The following ADAMTS9 variants were observed in gnomAD, a reference collection of about 807,000 sequenced individuals.
ADAMTS9 encodes the protein ADAM metallopeptidase with thrombospondin type 1 motif 9.
In ADAMTS9, 107 loss-of-function variants were observed where a neutral mutation model predicts 257.1. That is an observed-to-expected ratio of 0.42 (90% CI 0.36 to 0.49). The LOEUF (loss-of-function observed/expected upper bound fraction) is 0.49, where lower values mean the gene tolerates loss of function less well. ADAMTS9 is among the 20% of genes least tolerant of loss of function. ADAMTS9 has a pLI of 0.03. For synonymous variants in ADAMTS9, 982 were observed against 880.9 expected, an observed-to-expected ratio of 1.11 and a Z score of -2.03; for missense variants, 2,353 against 2,469.1, an observed-to-expected ratio of 0.95 and a Z score of 1.00.
At position 64,627,725 on chromosome 3, in the gene ADAMTS9, A is replaced by T. The variant is rs189650294; in HGVS notation, c.2389+3730T>A. Among the ~76,000 whole-genome samples the T allele has an allele frequency of 2.0e-5, 3 of 152,304 alleles. No homozygotes were observed. In the East Asian group the frequency reaches 5.8e-4, roughly 29 times the overall value. On this transcript the variant is annotated intron_variant, in intron 16 of 39. Coordinates refer to ENST00000498707, the MANE Select transcript of ADAMTS9 (RefSeq NM_182920.2). ...GGTTGGTTTCCCTCCCATTGCACCC[A>T]TCAGAGCTGGGTTGCTACAAAAGGC...
chr3:64,533,107 A>C, intron 38 of ADAMTS9, 59 bp downstream of exon 38: 30 of 1,484,498 alleles, frequency 2.0e-5, no homozygotes, highest in Non-Finnish European at 2.7e-5. Flanking sequence ...ACAGTAATAA[A>C]GACAAGAACG....
chr3:64,687,057 T>C lies in ADAMTS9; in HGVS notation c.116-89A>G. The stretch of plus-strand genomic sequence containing the variant: ...CGAAGGTGGGGACTTTGTTCTGACC[T>C]TATTTTCCAGCCCATTCGAGTCAAT... On this transcript the variant is annotated intron_variant, in intron 1 of 39. Coordinates refer to ENST00000498707, the MANE Select transcript of ADAMTS9 (RefSeq NM_182920.2). This position sits in a 1 kb window ranked among gnomAD's most constrained non-coding sequence, Gnocchi z 4.4. The C allele has an allele frequency of 6.8e-7, 1 of 1,466,926 alleles. No homozygotes were observed. The highest frequency in any genetic ancestry group is 9.2e-7 in the Non-Finnish European group (1 of 1,087,146). The allele number at this position is 1,466,926 out of a possible 1,614,324, so 90.9% of individuals were successfully genotyped here. A position where few individuals can be genotyped will look rare whatever the true frequency, so the allele number is the denominator to read the frequency against.
At chr3:64,618,372 G>A (rs1700018555) in intron 19 of ADAMTS9, among the ~76,000 whole-genome samples, 1 of 152,152 alleles carries the variant, frequency 6.6e-6, no homozygotes. Context: ...AAAAAATAGT[G>A]ACTTTCTCCA....
At chr3:64,547,985 G>A (rs2083224633) in intron 31 of ADAMTS9, among the ~76,000 whole-genome samples, 1 of 152,052 alleles carries the variant, frequency 6.6e-6, no homozygotes, top group Non-Finnish European at 1.5e-5. Context: ...ATAAACTTGG[G>A]GTAGAGTGCC....
chr3:64,615,883 C>T, intron 20 of ADAMTS9, 77 bp downstream of exon 20: 3 of 1,551,120 alleles, frequency 1.9e-6, no homozygotes, highest in Admixed American at 1.7e-5. Flanking sequence ...CTAAATGGGG[C>T]TTACACACCT....
At chr3:64,676,654 C>A (rs1472353662) in intron 3 of ADAMTS9, among the ~76,000 whole-genome samples, 2 of 146,254 alleles carry the variant, frequency 1.4e-5, no homozygotes, top group East Asian at 3.9e-4. Flanking sequence ...ATATGCCTGC[C>A]CCATAATGTA....
At chr3:64,659,011 C>A (rs371558355) in intron 3 of ADAMTS9, among the ~76,000 whole-genome samples, 1 of 152,140 alleles carries the variant, frequency 6.6e-6, no homozygotes, top group Non-Finnish European at 1.5e-5. Context: ...TGCTCGCTTA[C>A]GGTATTAGAA....
intron 3 of ADAMTS9, among the ~76,000 whole-genome samples, chr3:64,670,065 C>A (rs887149606): frequency 6.6e-6 from 1 of 152,196 alleles, no homozygotes; most frequent in African/African-American, 2.4e-5. Flanking sequence ...CCCTCTTCAG[C>A]AGCAGGGCAT....
intron 2 of ADAMTS9, among the ~76,000 whole-genome samples, chr3:64,683,408 GTCT>G (rs1701807888): frequency 6.6e-6 from 1 of 152,216 alleles, no homozygotes; most frequent in Admixed American, 6.5e-5. Context: ...AACAGGATCA[GTCT>G]CTGGTCTATG....
At position 64,687,841 on chromosome 3, in the gene ADAMTS9, G is replaced by A; in HGVS notation, c.-184C>T. The A allele has an allele frequency of 8.7e-6, 4 of 458,878 alleles. No individual in the cohort carries two copies. Among genetic ancestry groups the A allele is most frequent in the Non-Finnish European group, 1.6e-5 (4 of 256,956 alleles). 28.4% of individuals were successfully genotyped at this position (458,878 alleles called of 1,614,324 possible). A position where few individuals can be genotyped will look rare whatever the true frequency, so the allele number is the denominator to read the frequency against. On this transcript the variant is annotated 5_prime_UTR_variant, in exon 1 of 40. Coordinates refer to ENST00000498707, the MANE Select transcript of ADAMTS9 (RefSeq NM_182920.2). The surrounding 1 kb of genome is among the most constrained non-coding windows in gnomAD (Gnocchi z 4.4). Reference sequence around the variant, plus strand: ...TCCCGTCTGCGCTCGGCTGAGCAACGCCGCCGCCTGCCGAGAGCTGAGCCG... The same window carrying A: ...TCCCGTCTGCGCTCGGCTGAGCAACACCGCCGCCTGCCGAGAGCTGAGCCG...
At chr3:64,660,818 A>C (rs972982958) in intron 3 of ADAMTS9, among the ~76,000 whole-genome samples, 2 of 152,176 alleles carry the variant, frequency 1.3e-5, no homozygotes, top group African/African-American at 4.8e-5. Context: ...TAATAAGCAA[A>C]GAAAAAAAAA....
chr3:64,561,122 G>A (rs1306000541), intron 30 of ADAMTS9, among the ~76,000 whole-genome samples: 2 of 148,136 alleles, frequency 1.4e-5, no homozygotes, highest in Non-Finnish European at 3.0e-5. Context: ...GGTTTCACAT[G>A]AATGCCTATC....
intron 18 of ADAMTS9, among the ~76,000 whole-genome samples, chr3:64,621,781 A>T (rs1204596466): frequency 7.5e-6 from 1 of 134,154 alleles, no homozygotes; most frequent in Non-Finnish European, 1.5e-5. Flanking sequence ...AAAAAATAAA[A>T]AAATAAAAAA....
chr3:64,541,838 A>G lies in ADAMTS9; in HGVS notation c.5197T>C (p.Cys1733Arg), dbSNP rs2083126747. 2 of 1,614,072 alleles carry G rather than the reference A, an allele frequency of 1.2e-6. No individual in the cohort carries two copies. Among genetic ancestry groups the G allele is most frequent in the Middle Eastern group, 1.6e-4 (1 of 6,062 alleles). Residue 1733 changes from cysteine to arginine, a missense_variant and splice_region_variant, in exon 33 of 40, where the codon TGT becomes CGT. By Grantham distance (180) the Cys-to-Arg change is radical. This residue lies in a region of ADAMTS9 where 1,402 missense variants were observed against 1,441.4 expected (regional missense o/e 0.97). Coordinates refer to ENST00000498707, the MANE Select transcript of ADAMTS9 (RefSeq NM_182920.2). ...ERKTCRNVYN[C>R]ELPQNCKEVK... ...AGATAACTTCAGTTGGCCAACTTAC[A>G]GTTATAGACATTACGGCAGGTTTTT... is the stretch of plus-strand genomic sequence containing the variant.
intron 16 of ADAMTS9, among the ~76,000 whole-genome samples, chr3:64,630,197 A>G (rs9838262): frequency 0.53 from 80,108 of 151,894 alleles, 22,539 homozygotes; most frequent in African/African-American, 0.73. Flanking sequence ...TCTACTCTCC[A>G]TGTCCTCTTT....
In ADAMTS9 at chr3:64,649,662, G is replaced by T; in HGVS notation, c.1580C>A (p.Pro527Gln). 3.1e-6 allele frequency: 5 copies of T among 1,613,716 alleles called. No homozygotes were observed. Among genetic ancestry groups the T allele is most frequent in the Non-Finnish European group, 4.2e-6 (5 of 1,179,826 alleles). The stretch of plus-strand genomic sequence containing the variant: ...CATATATGGGCACACCTGAGAACCT[G>T]GTCCAAAAATCAATTCACATTGTTT... ...VNKQCELIFG[P>Q]GSQVCPYMMQ... The change falls in exon 10 of 40, where the codon CCA (proline) becomes CAA (glutamine). Residue 527 changes from proline (P) to glutamine (Q), a missense_variant. Transcript: ENST00000498707.
intron 21 of ADAMTS9, among the ~76,000 whole-genome samples, chr3:64,613,797 T>C (rs1455051475): frequency 6.6e-6 from 1 of 152,166 alleles, no homozygotes. Flanking sequence ...GCATAGGAGT[T>C]AAGCATGGGG....
chr3:64,618,563 G>A (rs777656382), intron 19 of ADAMTS9, among the ~76,000 whole-genome samples: 13 of 152,246 alleles, frequency 8.5e-5, no homozygotes, highest in East Asian at 7.7e-4. Flanking sequence ...CCCTAGTTGC[G>A]TGCTTCACTA....
At chr3:64,574,107 G>C (rs1177803108) in intron 28 of ADAMTS9, among the ~76,000 whole-genome samples, 5 of 152,156 alleles carry the variant, frequency 3.3e-5, no homozygotes, top group African/African-American at 1.2e-4. Context: ...CGGAATGAAA[G>C]AACCACCTGG....
Sources: allele counts gnomAD v4.1 joint callset (sites outside exome capture counted in the v4.1 genomes callset), GRCh38; gene constraint gnomAD v4.1.1; regional missense constraint gnomAD v4.1.1; non-coding constraint Gnocchi (gnomAD v3.1); transcripts MANE v1.5; gene names NCBI Gene and HGNC (gene_info 2026-07-23, HGNC 2026-07-21).